TTC7A: variants seen among roughly 807,000 people sequenced by gnomAD.
TTC7A encodes tetratricopeptide repeat domain 7A, also known as tetratricopeptide repeat protein 7A.
In TTC7A, 110 loss-of-function variants were observed where a neutral mutation model predicts 103.7. That is an observed-to-expected ratio of 1.06 (90% confidence interval 0.91 to 1.24). The LOEUF is 1.24. TTC7A is among the 50% of genes most tolerant of loss of function. The pLI, the probability that TTC7A is intolerant of heterozygous loss-of-function variation, is 0.00. For missense variants in TTC7A, 1,340 were observed against 1,116.3 expected (o/e 1.20, Z -2.86); for synonymous variants, 521 against 467.9 (o/e 1.11, Z -1.47).
chr2:47,062,103 C>T (rs1683830805), intron 19 of TTC7A, among the ~76,000 whole-genome samples: 2 of 152,220 alleles, frequency 1.3e-5, no homozygotes, highest in Admixed American at 6.5e-5. Flanking sequence ...GGAGAAGCTA[C>T]AGGGAGTTAG....
intron 3 of TTC7A, among the ~76,000 whole-genome samples, chr2:46,972,318 C>A (rs1360703711): frequency 1.3e-5 from 2 of 151,778 alleles, no homozygotes; most frequent in Non-Finnish European, 2.9e-5. Flanking sequence ...TTTTTTTGAG[C>A]TTTTTGTTTT....
chr2:47,035,940 T>G (rs532857810), intron 15 of TTC7A, among the ~76,000 whole-genome samples: 1 of 152,336 alleles, frequency 6.6e-6, no homozygotes, highest in South Asian at 2.1e-4. Context: ...ATTGCTTCTT[T>G]GTGTCTCAGC....
At chr2:47,029,520 G>C in intron 15 of TTC7A, 136 bp downstream of exon 15, 1 of 1,008,540 alleles carries the variant, frequency 9.9e-7, no homozygotes. Context: ...ATCCCTGGTG[G>C]AGAGACAGGG....
At chr2:47,039,738 G>T (rs1318808188) in intron 15 of TTC7A, among the ~76,000 whole-genome samples, 1 of 152,218 alleles carries the variant, frequency 6.6e-6, no homozygotes, top group Admixed American at 6.5e-5. Context: ...GTGAGGCATG[G>T]CTAGGAAGAA....
At chr2:47,054,903 C>T (rs1471789629) in intron 18 of TTC7A, among the ~76,000 whole-genome samples, 1 of 151,640 alleles carries the variant, frequency 6.6e-6, no homozygotes, top group African/African-American at 2.4e-5. Context: ...GTGACTGGTG[C>T]ACAACCGCCA....
intron 5 of TTC7A, among the ~76,000 whole-genome samples, chr2:46,982,060 A>C (rs527525808): frequency 6.6e-6 from 1 of 152,154 alleles, no homozygotes; most frequent in Non-Finnish European, 1.5e-5. Context: ...ACGAGTCCCT[A>C]TCTTCCAAAT....
intron 10 of TTC7A, among the ~76,000 whole-genome samples, chr2:47,009,903 T>TTTG (rs1677848751): frequency 1.6e-4 from 9 of 56,574 alleles, no homozygotes; most frequent in African/African-American, 4.0e-4. Flanking sequence ...TTTTTTTTTT[T>TTTG]GGTGGTGGGG....
Position 47,029,217 on chromosome 2 carries a change from T to C in TTC7A, c.1642-7T>C. 1 of 1,613,500 alleles carries C rather than the reference T, an allele frequency of 6.2e-7. No individual in the cohort carries two copies. The highest frequency in any genetic ancestry group is 1.1e-5 in the South Asian group (1 of 91,078). ...GGGAAGGCTAACCTGGCGGGTTCCT[T>C]CAACAGATCTCCAGTGCCATGGAGC... On this transcript the variant is annotated splice_region_variant and splice_polypyrimidine_tract_variant and intron_variant, in intron 14 of 19. Coordinates refer to ENST00000319190, the MANE Select transcript of TTC7A (RefSeq NM_020458.4).
intron 19 of TTC7A, among the ~76,000 whole-genome samples, chr2:47,072,724 C>T (rs1054531591): frequency 6.6e-6 from 1 of 152,200 alleles, no homozygotes; most frequent in Non-Finnish European, 1.5e-5. Flanking sequence ...GCCCCCCGTG[C>T]TGTCATCTCA....
intron 14 of TTC7A, among the ~76,000 whole-genome samples, chr2:47,027,751 G>A (rs986631326): frequency 2.4e-4 from 36 of 152,292 alleles, no homozygotes; most frequent in African/African-American, 8.4e-4. Flanking sequence ...CAGGGTGCAA[G>A]GGCCAGGGAC....
intron 11 of TTC7A, among the ~76,000 whole-genome samples, chr2:47,011,721 A>G (rs920603468): frequency 1.3e-5 from 2 of 152,244 alleles, no homozygotes; most frequent in Admixed American, 6.5e-5. Context: ...CCTGCCCAGC[A>G]GCAGAGTAGT....
At position 47,011,388 on chromosome 2, in the gene TTC7A, A is replaced by G. The variant is rs550676316; in HGVS notation, c.1345A>G (p.Thr449Ala). 5.6e-6 allele frequency: 9 copies of G among 1,611,992 alleles called. No individual in the cohort carries two copies. In the East Asian group the frequency reaches 1.3e-4, roughly 24 times the overall value. The change falls in exon 11 of 20, where the codon ACC becomes GCC. Residue 449 changes from threonine to alanine, a missense_variant. Physicochemically the swap from Thr to Ala is moderately conservative, Grantham distance 58. Transcript: ENST00000319190. ...ECVKLRPSDPTVPLMAAKVCI... is the reference protein window; with the variant it reads ...ECVKLRPSDPAVPLMAAKVCI... ...TGTGAAGTTGCGGCCCTCGGACCCC[A>G]CCGTGCCCCTGATGGCCGCGAAGGT...
chr2:46,950,265 C>A (rs1572698724), intron 1 of TTC7A, 98 bp from the exon 2 acceptor site: 11 of 1,250,608 alleles, frequency 8.8e-6, no homozygotes, highest in Non-Finnish European at 1.2e-5. Context: ...CATTCATGTA[C>A]TGGGTATGGG....
At chr2:46,986,007 C>T (rs1241931550) in intron 5 of TTC7A, among the ~76,000 whole-genome samples, 2 of 152,208 alleles carry the variant, frequency 1.3e-5, no homozygotes, top group Non-Finnish European at 2.9e-5. Flanking sequence ...TCCCCCCACT[C>T]GCCCTGGCCA....
intron 18 of TTC7A, among the ~76,000 whole-genome samples, chr2:47,052,520 A>G (rs1259998999): frequency 6.6e-6 from 1 of 152,192 alleles, no homozygotes; most frequent in African/African-American, 2.4e-5. Flanking sequence ...CATGGCAGTC[A>G]TGGTGGAGGA....
intron 12 of TTC7A, among the ~76,000 whole-genome samples, chr2:47,023,103 C>G (rs1421937131): frequency 6.6e-6 from 1 of 152,216 alleles, no homozygotes; most frequent in East Asian, 1.9e-4. Flanking sequence ...GGTGGTGGCC[C>G]CTCTCTCAAG....
chr2:47,049,260 G>T (rs1320278948), intron 16 of TTC7A, among the ~76,000 whole-genome samples: 1 of 152,206 alleles, frequency 6.6e-6, no homozygotes, highest in African/African-American at 2.4e-5. Context: ...GGCTGGGGCT[G>T]CTTGTGCCCC....
At chr2:47,073,193 G>T (rs778356609) in intron 19 of TTC7A, among the ~76,000 whole-genome samples, 1 of 152,136 alleles carries the variant, frequency 6.6e-6, no homozygotes, top group East Asian at 1.9e-4. Context: ...GTCTCTCTGC[G>T]TCCCTGGAGT....
chr2:46,919,279 A>C (rs565623717), intron 2 of TTC7A, among the ~76,000 whole-genome samples: 2 of 152,390 alleles, frequency 1.3e-5, no homozygotes, highest in East Asian at 3.9e-4. Context: ...TCACGCCTGT[A>C]ATCCCAGCAC....
Sources: gnomAD v4.1 joint callset for allele counts (sites outside exome capture counted in the v4.1 genomes callset) on GRCh38, gnomAD v4.1.1 for gene constraint, MANE v1.5 for transcripts, NCBI Gene and HGNC (gene_info 2026-07-23, HGNC 2026-07-21) for gene names.